NHSL1: variants seen among roughly 807,000 people sequenced by gnomAD.
NHSL1 encodes NHS-like protein 1.
Under a neutral mutation model 95.0 loss-of-function variants are expected in NHSL1, and 48 were observed. That is an observed-to-expected ratio of 0.51 (90% CI 0.40 to 0.64). The LOEUF is 0.64. Ranked by LOEUF, NHSL1 falls within the 30% of genes least tolerant of loss-of-function variation. The probability of loss-of-function intolerance (pLI) is 0.00; values close to 1 mark genes in which losing one functional copy is unlikely to be tolerated. For missense variants in NHSL1, 1,971 were observed against 2,077.7 expected, an observed-to-expected ratio of 0.95 and a Z score of 1.00; for synonymous variants, 783 against 833.9, an observed-to-expected ratio of 0.94 and a Z score of 1.05.
At chr6:138,687,056 GGTAT>G (rs1785593887) in intron 1 of NHSL1, among the ~76,000 whole-genome samples, 1 of 152,086 alleles carries the variant, frequency 6.6e-6, no homozygotes, top group African/African-American at 2.4e-5. Context: ...TCTAGCATGT[GGTAT>G]GTGTCAATGA....
chr6:138,480,488 T>C (rs1779352854), intron 2 of NHSL1, among the ~76,000 whole-genome samples: 1 of 152,132 alleles, frequency 6.6e-6, no homozygotes, highest in Non-Finnish European at 1.5e-5. Flanking sequence ...GAAGGACCAG[T>C]TCGGTAGGCC....
chr6:138,511,438 A>ATG (rs1319325993), intron 1 of NHSL1, among the ~76,000 whole-genome samples: 1 of 150,684 alleles, frequency 6.6e-6, no homozygotes, highest in South Asian at 2.1e-4. Flanking sequence ...GAGAGTGTGT[A>ATG]TGTGTGTGTG....
chr6:138,538,977 TCAG>T (rs1782472811), intron 1 of NHSL1, among the ~76,000 whole-genome samples: 1 of 152,132 alleles, frequency 6.6e-6, no homozygotes, highest in African/African-American at 2.4e-5. Flanking sequence ...GTCAAGTCAC[TCAG>T]GCCTTTTGTT....
chr6:138,595,486 G>C (rs187794268), intron 1 of NHSL1, among the ~76,000 whole-genome samples: 46 of 152,288 alleles, frequency 3.0e-4, no homozygotes, highest in African/African-American at 1.1e-3. Context: ...CAAGGTGGGA[G>C]GATCACTTGT....
chr6:138,433,365 C>G lies in NHSL1; in HGVS notation c.980G>C (p.Arg327Pro). 6.4e-7 allele frequency: 1 copy of G among 1,552,206 alleles called. No homozygotes were observed. Among genetic ancestry groups the G allele is most frequent in the Non-Finnish European group, 8.7e-7 (1 of 1,147,132 alleles). Reference protein sequence around the residue: ...DSDAGFHSLPRSGARANIQSL... With the variant: ...DSDAGFHSLPPSGARANIQSL... ...CTGAATGTTTGCCCTTGCTCCAGAA[C>G]GCGGAAGACTATGGAAGCCAGCATC... is the stretch of plus-strand genomic sequence containing the variant. Residue 327 changes from arginine to proline, a missense_variant, in exon 6 of 8, where the codon CGT becomes CCT. Coordinates refer to ENST00000343505, the MANE Select transcript of NHSL1 (RefSeq NM_001144060.2).
At chr6:138,502,686 T>TC (rs1048889417), upstream of NHSL1, among the ~76,000 whole-genome samples, 28 of 152,102 alleles carry the variant, frequency 1.8e-4, no homozygotes, top group African/African-American at 6.5e-4. Flanking sequence ...CGAAAAGCAG[T>TC]CCCCCTCTGG....
At chr6:138,497,785 C>T (rs761522159) in intron 1 of NHSL1, among the ~76,000 whole-genome samples, 1 of 152,168 alleles carries the variant, frequency 6.6e-6, no homozygotes, top group Non-Finnish European at 1.5e-5. Context: ...TCTCACATAC[C>T]ATCTTTTCTG....
chr6:138,432,999 T>G lies in NHSL1; in HGVS notation c.1346A>C (p.Lys449Thr). 6.4e-7 allele frequency: 1 copy of G among 1,551,622 alleles called. No homozygotes were observed. The highest frequency in any genetic ancestry group is 2.4e-5 in the East Asian group (1 of 40,908). The change falls in exon 6 of 8, where the codon AAA becomes ACA. Residue 449 changes from lysine to threonine, a missense_variant. Transcript: ENST00000343505. The surrounding 1 kb of genome is among the most constrained non-coding windows in gnomAD (Gnocchi z 4.4). Reference sequence around the variant, plus strand: ...CCTGGAGATGAGGTGGTCTCTGGATTTTATCCTTGCATGTGATGAGCCAGA... The same window carrying G: ...CCTGGAGATGAGGTGGTCTCTGGATGTTATCCTTGCATGTGATGAGCCAGA... ...KSSGSSHARI[K>T]SRDHLISRHA...
chr6:138,657,390 A>G (rs983457413), intron 1 of NHSL1, among the ~76,000 whole-genome samples: 2 of 152,240 alleles, frequency 1.3e-5, no homozygotes, highest in African/African-American at 4.8e-5. Context: ...TAACATAGTA[A>G]AGAGAGGGAA....
At chr6:138,500,423 G>A (rs1780611466), upstream of NHSL1, among the ~76,000 whole-genome samples, 1 of 151,938 alleles carries the variant, frequency 6.6e-6, no homozygotes, top group South Asian at 2.1e-4. Context: ...GGAAAAAAGA[G>A]GAGAATATAG....
chr6:138,524,349 A>C (rs1781813242), intron 1 of NHSL1, among the ~76,000 whole-genome samples: 1 of 152,200 alleles, frequency 6.6e-6, no homozygotes, highest in African/African-American at 2.4e-5. Flanking sequence ...GATAGAGATC[A>C]TTACCAGCTC....
At chr6:138,646,497 G>A (rs1032459997) in intron 1 of NHSL1, among the ~76,000 whole-genome samples, 2 of 150,118 alleles carry the variant, frequency 1.3e-5, no homozygotes, top group African/African-American at 2.4e-5. Flanking sequence ...ACACTGTCTC[G>A]AGGAAAAAAA....
At chr6:138,684,750 AAAGTGCAGCTG>A (rs1469293062) in intron 1 of NHSL1, among the ~76,000 whole-genome samples, 1 of 152,208 alleles carries the variant, frequency 6.6e-6, no homozygotes, top group East Asian at 1.9e-4. Context: ...ACCTTTGCCC[AAAGTGCAGCTG>A]AAGTGCACAC....
chr6:138,555,765 T>A (rs563102697), intron 1 of NHSL1, among the ~76,000 whole-genome samples: 1 of 152,282 alleles, frequency 6.6e-6, no homozygotes, highest in South Asian at 2.1e-4. Flanking sequence ...CTCTGTAAGG[T>A]CAGAAAAGGA....
At chr6:138,523,208 T>C (rs1038820604) in intron 1 of NHSL1, among the ~76,000 whole-genome samples, 1 of 152,110 alleles carries the variant, frequency 6.6e-6, no homozygotes, top group Non-Finnish European at 1.5e-5. Flanking sequence ...TTTCTGTATT[T>C]ATGAGAAAAA....
chr6:138,428,085 A>T (rs944143240), intron 7 of NHSL1, among the ~76,000 whole-genome samples: 4 of 152,240 alleles, frequency 2.6e-5, no homozygotes, highest in African/African-American at 9.6e-5. Flanking sequence ...GGCCTTTGGC[A>T]TATTTTTGGG....
intron 1 of NHSL1, among the ~76,000 whole-genome samples, chr6:138,598,789 G>A (rs1338194266): frequency 6.6e-6 from 1 of 152,166 alleles, no homozygotes; most frequent in Non-Finnish European, 1.5e-5. Flanking sequence ...TAGGGTGGGT[G>A]AAGCTAAACA....
In NHSL1 at chr6:138,626,676, G is replaced by A. The variant is rs1204547682; in HGVS notation, c.96+65800C>T. On this transcript the variant is annotated intron_variant, in intron 1 of 3. Transcript: ENST00000491526. ...TGGGAGGCCGAGGCGGGCGGATCAC[G>A]AGGTCAGGAGATCGAGACCATCCCG... Among the ~76,000 whole-genome samples the A allele has an allele frequency of 7.0e-5, 5 of 71,616 alleles. 1 individual carries two copies. Among genetic ancestry groups the A allele is most frequent in the African/African-American group, 1.5e-4 (2 of 13,536 alleles). The allele number at this position is 71,616 out of a possible 152,430, so 47.0% of individuals were successfully genotyped here. A position where few individuals can be genotyped will look rare whatever the true frequency, so the allele number is the denominator to read the frequency against.
At chr6:138,544,983 C>CTTTTTTTTTTTTTT (rs35979187) in intron 1 of NHSL1, among the ~76,000 whole-genome samples, 1 of 83,396 alleles carries the variant, frequency 1.2e-5, no homozygotes. Flanking sequence ...TCTTTCTTTT[C>CTTTTTTTTTTTTTT]TTTTTTTTTT....
Sources: allele counts gnomAD v4.1 joint callset (sites outside exome capture counted in the v4.1 genomes callset), GRCh38; gene constraint gnomAD v4.1.1; non-coding constraint Gnocchi (gnomAD v3.1); transcripts MANE v1.5; gene names NCBI Gene and HGNC (gene_info 2026-07-23, HGNC 2026-07-21).